VPS37A: variants seen among roughly 807,000 people sequenced by gnomAD.
The protein encoded by VPS37A is VPS37A subunit of ESCRT-I, also known as vacuolar protein sorting-associated protein 37A.
In VPS37A, 30 loss-of-function variants were observed where a neutral mutation model predicts 49.8. That is an observed-to-expected ratio of 0.60 (90% CI 0.45 to 0.82). The LOEUF is 0.82. Among genes scored for constraint, VPS37A ranks in the 40% least tolerant of loss-of-function variants. VPS37A has a pLI of 0.00. For synonymous variants in VPS37A, 195 were observed against 160.6 expected, an observed-to-expected ratio of 1.21 and a Z score of -1.62; for missense variants, 593 against 464.4, an observed-to-expected ratio of 1.28 and a Z score of -2.55.
chr8:17,305,471 C>T (rs182523587), downstream of VPS37A, among the ~76,000 whole-genome samples: 222 of 152,206 alleles, frequency 1.5e-3, no homozygotes, highest in African/African-American at 5.1e-3. Flanking sequence ...ATGCAAAAAC[C>T]ACTTTTTTGA....
rs1167509352 is a variant in VPS37A at position 17,297,894 on chromosome 8, G to C, written c.*2908G>C. 6.6e-6 allele frequency: 1 copy of C among 152,000 alleles called. No homozygotes were observed. The highest frequency in any genetic ancestry group is 2.4e-5 in the African/African-American group (1 of 41,428). The allele number at this position is 152,000 out of a possible 1,614,324, so 9.4% of individuals were successfully genotyped here. ...TTACATAAATTATAATGTCTGTCTTGTAAAAAAGTTGAGGGGACTAAAAGT... is the reference window on the plus strand; with the variant it reads ...TTACATAAATTATAATGTCTGTCTTCTAAAAAAGTTGAGGGGACTAAAAGT... On this transcript the variant is annotated 3_prime_UTR_variant, in exon 12 of 12. Coordinates refer to ENST00000324849, the MANE Select transcript of VPS37A (RefSeq NM_152415.3).
the VPS37A span, chr8:17,326,455 C>G: frequency 6.6e-6 from 1 of 152,298 alleles, no homozygotes; most frequent in East Asian, 1.9e-4. Context: ...ATATAATGAT[C>G]CTTGTGGTCA....
At chr8:17,331,427 T>C in the VPS37A span, 2 of 798,596 alleles carry the variant, frequency 2.5e-6, no homozygotes, top group Admixed American at 3.4e-5. Flanking sequence ...ACTGCAACCT[T>C]GTACTGAACT....
chr8:17,283,241 G>C (rs1815259133), intron 9 of VPS37A, among the ~76,000 whole-genome samples: 1 of 151,872 alleles, frequency 6.6e-6, no homozygotes, highest in Non-Finnish European at 1.5e-5. Context: ...CTGCAGCCTT[G>C]ACCTCCCAGG....
chr8:17,248,975 G>A (rs773465982), intron 1 of VPS37A, among the ~76,000 whole-genome samples: 9 of 152,178 alleles, frequency 5.9e-5, no homozygotes, highest in Non-Finnish European at 2.9e-5. Flanking sequence ...AAGGGGACTC[G>A]TTTTTAACAT....
Position 17,295,907 on chromosome 8 carries a change from TTTAA to T in VPS37A, c.*924_*927del, listed in dbSNP as rs1261719675. The stretch of plus-strand genomic sequence containing the variant: ...TTAGGCAATCCTGATTTTTAATGAA[TTTAA>T]TTGAGTGTTCTTGTATACTACATTG... On this transcript the variant is annotated 3_prime_UTR_variant, in exon 12 of 12. Coordinates refer to ENST00000324849, the MANE Select transcript of VPS37A (RefSeq NM_152415.3). The T allele has an allele frequency of 1.3e-5, 2 of 152,226 alleles. No homozygotes were observed. The highest frequency in any genetic ancestry group is 2.1e-4 in the South Asian group (1 of 4,836). 9.4% of individuals were successfully genotyped at this position (152,226 alleles called of 1,614,324 possible).
At chr8:17,302,354 G>A (rs1016689595), downstream of VPS37A, 14 of 1,498,410 alleles carry the variant, frequency 9.3e-6, no homozygotes, top group African/African-American at 1.3e-4. Context: ...GTCTTCTAAG[G>A]TATCTATGAT....
intron 1 of VPS37A, among the ~76,000 whole-genome samples, chr8:17,248,698 T>C (rs1811691481): frequency 6.6e-6 from 1 of 152,224 alleles, no homozygotes; most frequent in African/African-American, 2.4e-5. Context: ...ATAGAAAAAT[T>C]TACTGCAAAA....
At chr8:17,260,469 C>T (rs956966070) in intron 1 of VPS37A, among the ~76,000 whole-genome samples, 1 of 152,092 alleles carries the variant, frequency 6.6e-6, no homozygotes, top group Non-Finnish European at 1.5e-5. Flanking sequence ...GGGCCTCATA[C>T]TGGAATTATA....
At chr8:17,304,746 C>CGCGTGTGTGTGTGTGTGTGTGTGT (rs1554504622), downstream of VPS37A, among the ~76,000 whole-genome samples, 1 of 146,992 alleles carries the variant, frequency 6.8e-6, no homozygotes, top group Admixed American at 6.7e-5. Context: ...GTGTTCGATT[C>CGCGTGTGTGTGTGTGTGTGTGTGT]GTGTGTGTGT....
rs1374249039 is a variant in VPS37A at position 17,297,497 on chromosome 8, C to G, written c.*2511C>G. 1.3e-5 allele frequency: 2 copies of G among 152,038 alleles called. No individual in the cohort carries two copies. Among genetic ancestry groups the G allele is most frequent in the African/African-American group, 4.8e-5 (2 of 41,430 alleles). 9.4% of individuals were successfully genotyped at this position (152,038 alleles called of 1,614,324 possible). A position where few individuals can be genotyped will look rare whatever the true frequency, so the allele number is the denominator to read the frequency against. The stretch of plus-strand genomic sequence containing the variant: ...CTATGGTTTCTGTCTCTGATCATCA[C>G]CTTCCATTCTATAAAAAGCTCAGTT... On this transcript the variant is annotated 3_prime_UTR_variant, in exon 12 of 12. Coordinates refer to ENST00000324849, the MANE Select transcript of VPS37A (RefSeq NM_152415.3).
Position 17,274,796 on chromosome 8 carries a change from A to T in VPS37A, c.480A>T (p.Pro160=), listed in dbSNP as rs1371235340. ...CTCAGGGTTTTCCATTTCTTCCTCC[A>T]TATCCTCCACAAGAAGCAAACAGGA... The part of the protein sequence containing the change: ...YASQGFPFLP[P]YPPQEANRSI... The change falls in exon 5 of 12, where the codon CCA becomes CCT. Residue 160 remains proline, a synonymous_variant. Transcript: ENST00000324849. The T allele has an allele frequency of 1.2e-6, 2 of 1,614,060 alleles. No homozygotes were observed. The highest frequency in any genetic ancestry group is 3.3e-5 in the Admixed American group (2 of 60,024).
At chr8:17,310,795 G>C in the VPS37A span, among the ~76,000 whole-genome samples, 111,708 of 152,106 alleles carry the variant, frequency 0.73, 41,931 homozygotes, top group African/African-American at 0.89. Context: ...TCAGCATCTT[G>C]TGTAGCACGG....
chr8:17,250,758 C>A (rs1001277424), intron 1 of VPS37A, among the ~76,000 whole-genome samples: 1 of 152,130 alleles, frequency 6.6e-6, no homozygotes, highest in African/African-American at 2.4e-5. Flanking sequence ...TCAGCTACCT[C>A]AGTCTTCTAC....
chr8:17,256,277 C>G (rs981673586), intron 1 of VPS37A, among the ~76,000 whole-genome samples: 4 of 123,066 alleles, frequency 3.3e-5, no homozygotes, highest in African/African-American at 1.4e-4. Context: ...GTCTTTTTAG[C>G]TGGGGTAAAA....
At chr8:17,311,524 A>T in the VPS37A span, 1 of 1,614,140 alleles carries the variant, frequency 6.2e-7, no homozygotes, top group Non-Finnish European at 8.5e-7. Context: ...GAAGCCCTTC[A>T]GAGTCCGGTA....
the VPS37A span, among the ~76,000 whole-genome samples, chr8:17,307,661 A>T: frequency 6.6e-6 from 1 of 152,244 alleles, no homozygotes; most frequent in East Asian, 1.9e-4. Context: ...AATAGCCTGG[A>T]TTAAGAAAAT....
intron 9 of VPS37A, among the ~76,000 whole-genome samples, chr8:17,281,196 A>G (rs1294898415): frequency 6.6e-6 from 1 of 152,046 alleles, no homozygotes; most frequent in Non-Finnish European, 1.5e-5. Flanking sequence ...GCATGAAGCT[A>G]TTTACGTATA....
chr8:17,265,690 C>A, intron 1 of VPS37A: 1 of 1,299,534 alleles, frequency 7.7e-7, no homozygotes, highest in African/African-American at 1.5e-5. Flanking sequence ...CATCATCCCC[C>A]TTCCCCTGGA....
Sources: allele counts gnomAD v4.1 joint callset (sites outside exome capture counted in the v4.1 genomes callset), GRCh38; gene constraint gnomAD v4.1.1; transcripts MANE v1.5; gene names NCBI Gene and HGNC (gene_info 2026-07-23, HGNC 2026-07-21).